The following PATJ variants were observed in gnomAD, a reference collection of about 807,000 sequenced individuals.
PATJ encodes the protein inaD-like protein.
Under a neutral mutation model 224.9 loss-of-function variants are expected in PATJ, and 190 were observed. The ratio of observed to expected loss-of-function variants is 0.84; its 90% CI spans 0.75 to 0.95. PATJ has a LOEUF of 0.95. Among genes scored for constraint, PATJ ranks in the 40% least tolerant of loss-of-function variants. The probability of loss-of-function intolerance (pLI) is 0.00; values close to 1 mark genes in which losing one functional copy is unlikely to be tolerated. For missense variants in PATJ, 2,121 were observed against 2,270.3 expected, an observed-to-expected ratio of 0.93 and a Z score of 1.34; for synonymous variants, 769 against 820.3, an observed-to-expected ratio of 0.94 and a Z score of 1.07.
intron 20 of PATJ, among the ~76,000 whole-genome samples, chr1:61,874,481 G>A (rs544967048): frequency 1.6e-3 from 245 of 152,002 alleles, no homozygotes; most frequent in African/African-American, 5.8e-3. Context: ...ACAGGTGTGA[G>A]CCACCACACC....
At position 62,016,629 on chromosome 1, in the gene PATJ, A is replaced by G. The variant is rs188882203; in HGVS notation, c.3868-1227A>G. Reference sequence around the variant, plus strand: ...TAGTTTATCAGTGGGAAAATCAGGAATAAAGAAATTTAGAATTTAAATGTT... The same window carrying G: ...TAGTTTATCAGTGGGAAAATCAGGAGTAAAGAAATTTAGAATTTAAATGTT... On this transcript the variant is annotated intron_variant, in intron 28 of 43. Coordinates refer to ENST00000642238, the MANE Select transcript of PATJ (RefSeq NM_001350145.3). 5.6e-3 allele frequency among the ~76,000 whole-genome samples: 847 copies of G among 152,358 alleles called. 8 individuals carry two copies. Among genetic ancestry groups the G allele is most frequent in the African/African-American group, 0.02 (822 of 41,596 alleles).
intron 33 of PATJ, chr1:62,100,366 G>T (rs1661996145): frequency 2.8e-6 from 2 of 718,188 alleles, no homozygotes; most frequent in African/African-American, 3.5e-5. Context: ...ATCTGGTGAG[G>T]GCCTTCATGC....
Position 62,098,033 on chromosome 1 carries a change from C to T in PATJ, c.4378-10404C>T, listed in dbSNP as rs566952091. ...CCTGTAATCCCAGCACTTTGAGAGGCGGAGGCGGGCAGATCACTAGAGGTC... is the reference window on the plus strand; with the variant it reads ...CCTGTAATCCCAGCACTTTGAGAGGTGGAGGCGGGCAGATCACTAGAGGTC... On this transcript the variant is annotated intron_variant, in intron 33 of 43. Transcript: ENST00000642238. 5.9e-5 allele frequency among the ~76,000 whole-genome samples: 9 copies of T among 152,118 alleles called. No homozygotes were observed. The South Asian group carries it at 1.0e-3, about 18-fold the overall frequency.
chr1:62,072,746 T>TAAAAAAAAAAAA (rs554442397), intron 31 of PATJ: 1 of 126,616 alleles, frequency 7.9e-6, no homozygotes, highest in Non-Finnish European at 1.6e-5. Flanking sequence ...GTCTTTTATT[T>TAAAAAAAAAAAA]AAAAAAAAAA....
chr1:62,086,397 T>C lies in PATJ; in HGVS notation c.4377+1749T>C, dbSNP rs1482436739. Among the ~76,000 whole-genome samples, 1 of 152,178 alleles carries C rather than the reference T, an allele frequency of 6.6e-6. No individual in the cohort carries two copies. The highest frequency in any genetic ancestry group is 3.2e-3 in the Middle Eastern group (1 of 316). Reference sequence around the variant, plus strand: ...GAAAAATAAATCTCCCTCCTACCTTTTTGCCCTAGCTCTGCCCTTCACTAC... The same window carrying C: ...GAAAAATAAATCTCCCTCCTACCTTCTTGCCCTAGCTCTGCCCTTCACTAC... On this transcript the variant is annotated intron_variant, in intron 33 of 43. Coordinates refer to ENST00000642238, the MANE Select transcript of PATJ (RefSeq NM_001350145.3). The surrounding 1 kb of genome is among the most constrained non-coding windows in gnomAD (Gnocchi z 4.0).
intron 28 of PATJ, among the ~76,000 whole-genome samples, chr1:61,997,821 T>TTTTG (rs1384336680): frequency 0.012 from 1,003 of 83,490 alleles, 14 homozygotes; most frequent in African/African-American, 0.049. Flanking sequence ...TTTTGTTTTG[T>TTTTG]TTTAAAAAAA....
rs1466183574 is a variant in PATJ at position 61,827,584 on chromosome 1, G to A, written c.1980+1G>A. 6 of 1,613,022 alleles carry A rather than the reference G, an allele frequency of 3.7e-6. No homozygotes were observed. Among genetic ancestry groups the A allele is most frequent in the Non-Finnish European group, 5.1e-6 (6 of 1,179,516 alleles). ...TGAAACCTCTCTTCCTGAGACAGAG[G>A]TACTAAATGAATATAGTGCATTTCC... On this transcript the variant is annotated splice_donor_variant, in intron 16 of 43. Transcript: ENST00000642238. LOFTEE classifies it high-confidence loss of function.
intron 41 of PATJ, among the ~76,000 whole-genome samples, chr1:62,137,567 G>A (rs200912146): frequency 1.0e-4 from 2 of 19,904 alleles, no homozygotes; most frequent in Non-Finnish European, 2.1e-4. Context: ...CACAGAGTGA[G>A]GGGGGACAGA....
At chr1:61,909,271 C>T (rs1008933528) in intron 25 of PATJ, among the ~76,000 whole-genome samples, 3 of 152,126 alleles carry the variant, frequency 2.0e-5, no homozygotes, top group Non-Finnish European at 1.5e-5. Flanking sequence ...TGAGCCACTG[C>T]GCCTGACCTA....
intron 18 of PATJ, among the ~76,000 whole-genome samples, chr1:61,856,539 G>C (rs72674673): frequency 0.014 from 2,073 of 152,144 alleles, 26 homozygotes; most frequent in Non-Finnish European, 0.019. Context: ...TCATCTTTAT[G>C]CTTTTAGCAC....
At chr1:61,943,822 G>C (rs1208507489) in intron 27 of PATJ, among the ~76,000 whole-genome samples, 1 of 152,152 alleles carries the variant, frequency 6.6e-6, no homozygotes, top group South Asian at 2.1e-4. Flanking sequence ...AGCCTAACTG[G>C]GAGGCACCTC....
At chr1:61,905,551 T>C (rs1671741974) in intron 24 of PATJ, among the ~76,000 whole-genome samples, 2 of 152,270 alleles carry the variant, frequency 1.3e-5, no homozygotes, top group African/African-American at 2.4e-5. Flanking sequence ...AAATCTGCTC[T>C]AAATATTTAT....
Position 62,082,294 on chromosome 1 carries a change from A to G in PATJ, c.4244-2221A>G, listed in dbSNP as rs545282346. ...GGGAACAAGATATGTGAATACCCAC[A>G]ATGTGCCAGACTCTGGGCCGGGCAC... On this transcript the variant is annotated intron_variant, in intron 32 of 43. Coordinates refer to ENST00000642238, the MANE Select transcript of PATJ (RefSeq NM_001350145.3). Among the ~76,000 whole-genome samples, 9 of 152,350 alleles carry G rather than the reference A, an allele frequency of 5.9e-5. No homozygotes were observed. The East Asian group carries it at 1.2e-3, about 20-fold the overall frequency.
chr1:62,018,097 TATTG>T lies in PATJ; in HGVS notation c.3959+155_3959+158del. ...TTTGTAACTGTCACTTCAAGAAAAGTATTGATTGTTTTGATTATGAGATTGTCTT... is the reference window on the plus strand; with the variant it reads ...TTTGTAACTGTCACTTCAAGAAAAGTATTGTTTTGATTATGAGATTGTCTT... On this transcript the variant is annotated intron_variant, in intron 29 of 43. Coordinates refer to ENST00000642238, the MANE Select transcript of PATJ (RefSeq NM_001350145.3). The surrounding 1 kb of genome is among the most constrained non-coding windows in gnomAD (Gnocchi z 4.2). The T allele has an allele frequency of 1.9e-6, 1 of 526,778 alleles. No individual in the cohort carries two copies. Among genetic ancestry groups the T allele is most frequent in the African/African-American group, 1.9e-5 (1 of 53,302 alleles). The allele number at this position is 526,778 out of a possible 1,614,324, so 32.6% of individuals were successfully genotyped here. A position where few individuals can be genotyped will look rare whatever the true frequency, so the allele number is the denominator to read the frequency against.
At chr1:61,859,541 C>T (rs1664221609) in intron 18 of PATJ, among the ~76,000 whole-genome samples, 1 of 151,986 alleles carries the variant, frequency 6.6e-6, no homozygotes, top group African/African-American at 2.4e-5. Context: ...GTCTCTCTCT[C>T]TCTCTCTCCC....
In PATJ at chr1:62,128,821, T is replaced by C. The variant is rs753052395; in HGVS notation, c.5167-20T>C. 1.3e-6 allele frequency: 2 copies of C among 1,512,964 alleles called. No homozygotes were observed. Among genetic ancestry groups the C allele is most frequent in the Non-Finnish European group, 1.8e-6 (2 of 1,088,628 alleles). 93.7% of individuals were successfully genotyped at this position (1,512,964 alleles called of 1,614,324 possible). ...ATTTTTCTTAATGATAGTGATTTTCTGTCATTTTTGTACTTCCAGGTTGGA... is the reference window on the plus strand; with the variant it reads ...ATTTTTCTTAATGATAGTGATTTTCCGTCATTTTTGTACTTCCAGGTTGGA... On this transcript the variant is annotated intron_variant, in intron 40 of 43. Coordinates refer to ENST00000642238, the MANE Select transcript of PATJ (RefSeq NM_001350145.3).
At chr1:61,822,510 T>C (rs1657499060) in intron 14 of PATJ, among the ~76,000 whole-genome samples, 1 of 151,756 alleles carries the variant, frequency 6.6e-6, no homozygotes, top group African/African-American at 2.4e-5. Context: ...CAGAGGGCAG[T>C]CTTGAACCCC....
chr1:61,856,324 A>G (rs941808896), intron 18 of PATJ, 85 bp downstream of exon 18: 8 of 1,086,024 alleles, frequency 7.4e-6, no homozygotes, highest in East Asian at 2.4e-5. Context: ...ATACCTGGCC[A>G]AGAATTTCTG....
intron 27 of PATJ, among the ~76,000 whole-genome samples, chr1:61,950,918 G>A (rs753007836): frequency 1.9e-4 from 29 of 152,082 alleles, no homozygotes; most frequent in Admixed American, 1.3e-3. Context: ...AGGCCCAGGC[G>A]GGCGGATCAC....
Sources: gnomAD v4.1 joint callset for allele counts (sites outside exome capture counted in the v4.1 genomes callset) on GRCh38, gnomAD v4.1.1 for gene constraint, Gnocchi (gnomAD v3.1) non-coding constraint, MANE v1.5 for transcripts, NCBI Gene and HGNC (gene_info 2026-07-23, HGNC 2026-07-21) for gene names.